Variants in CSMD1 observed in about 807,000 individuals in gnomAD.
CSMD1 encodes the protein CUB and sushi domain-containing protein 1.
Under a neutral mutation model 417.5 loss-of-function variants are expected in CSMD1, and 213 were observed. That is an observed-to-expected ratio of 0.51 (90% confidence interval 0.46 to 0.57). CSMD1 has a LOEUF of 0.57. Among genes scored for constraint, CSMD1 ranks in the 20% least tolerant of loss-of-function variants. CSMD1 has a pLI of 0.00. For missense variants in CSMD1, 6,923 were observed against 4,529.7 expected (o/e 1.53, Z -15.17); for synonymous variants, 2,862 against 1,736.8 (o/e 1.65, Z -16.11).
At chr8:3,707,795 G>T (rs1334750084) in intron 7 of CSMD1, among the ~76,000 whole-genome samples, 1 of 152,178 alleles carries the variant, frequency 6.6e-6, no homozygotes, top group African/African-American at 2.4e-5. Context: ...CATGGTCAGG[G>T]CTTCCTATGG....
chr8:4,748,355 C>T (rs562108786), intron 1 of CSMD1, among the ~76,000 whole-genome samples: 2 of 152,298 alleles, frequency 1.3e-5, no homozygotes, highest in East Asian at 3.9e-4. Flanking sequence ...AATTTGTTTT[C>T]TTAGCATGGT....
chr8:4,899,843 A>G (rs1463419285), intron 1 of CSMD1, among the ~76,000 whole-genome samples: 1 of 152,200 alleles, frequency 6.6e-6, no homozygotes, highest in East Asian at 1.9e-4. Flanking sequence ...CAGGTCTTGC[A>G]GATAGCTTTT....
chr8:3,946,687 C>G (rs966666800), intron 5 of CSMD1, among the ~76,000 whole-genome samples: 9 of 152,104 alleles, frequency 5.9e-5, no homozygotes, highest in African/African-American at 1.9e-4. Context: ...CATTCATGGT[C>G]TAGTGTATCT....
intron 5 of CSMD1, among the ~76,000 whole-genome samples, chr8:3,763,153 G>T (rs964335908): frequency 1.3e-5 from 2 of 152,150 alleles, no homozygotes; most frequent in African/African-American, 4.8e-5. Flanking sequence ...AGCCAAAGAG[G>T]TCTCTTCACC....
intron 1 of CSMD1, among the ~76,000 whole-genome samples, chr8:4,860,537 A>T (rs1438206373): frequency 6.6e-6 from 1 of 151,958 alleles, no homozygotes; most frequent in Non-Finnish European, 1.5e-5. Flanking sequence ...CTGGAACTTG[A>T]GCAGATGCTC....
chr8:4,310,237 T>C (rs963673200), intron 3 of CSMD1, among the ~76,000 whole-genome samples: 5 of 152,160 alleles, frequency 3.3e-5, no homozygotes, highest in Non-Finnish European at 7.4e-5. Context: ...AGCAATTAAC[T>C]TATCACACAG....
intron 54 of CSMD1, among the ~76,000 whole-genome samples, chr8:2,994,097 G>C (rs6993889): frequency 1.2e-4 from 15 of 122,580 alleles, no homozygotes; most frequent in African/African-American, 4.3e-4. Context: ...AGTGAGCTGA[G>C]ATGGCGCCAT....
At chr8:3,334,075 G>A (rs1233191129) in intron 23 of CSMD1, among the ~76,000 whole-genome samples, 2 of 152,198 alleles carry the variant, frequency 1.3e-5, no homozygotes, top group African/African-American at 4.8e-5. Context: ...TGAAGGCATT[G>A]AAAGAATCTA....
At chr8:3,317,466 T>C (rs1805849366) in intron 23 of CSMD1, among the ~76,000 whole-genome samples, 2 of 152,202 alleles carry the variant, frequency 1.3e-5, no homozygotes, top group Admixed American at 6.5e-5. Flanking sequence ...GTTGTTCTGG[T>C]GCCTGTTTTC....
intron 10 of CSMD1, among the ~76,000 whole-genome samples, chr8:3,533,196 A>G (rs1468513318): frequency 2.0e-5 from 3 of 152,314 alleles, no homozygotes; most frequent in African/African-American, 7.2e-5. Context: ...AAGAAAGAGC[A>G]CCCTAAAACC....
In CSMD1 at chr8:3,879,858, G is replaced by A. The variant is rs114564911; in HGVS notation, c.818+118045C>T. 2.0e-3 allele frequency among the ~76,000 whole-genome samples: 302 copies of A among 150,264 alleles called. 1 individual carries two copies. Among genetic ancestry groups the A allele is most frequent in the African/African-American group, 3.5e-3 (146 of 41,242 alleles). ...GTGCGTGTGTGTGTGTGTGTGTTGC[G>A]TTTTAGTCTTCTTCTGGTGTGGATG... On this transcript the variant is annotated intron_variant, in intron 5 of 69. Transcript: ENST00000635120.
At position 4,135,124 on chromosome 8, in the gene CSMD1, C is replaced by T. The variant is rs117777983; in HGVS notation, c.416-103025G>A. The stretch of plus-strand genomic sequence containing the variant: ...TAAATAATTGCATAAATGTTCTTGA[C>T]GCACACAAAATATTGTCATATTCTG... On this transcript the variant is annotated intron_variant, in intron 3 of 69. Transcript: ENST00000635120. Among the ~76,000 whole-genome samples the T allele has an allele frequency of 5.7e-4, 87 of 152,212 alleles. 2 individuals are homozygous for T. The East Asian group carries it at 9.9e-3, about 17-fold the overall frequency.
At chr8:4,440,772 G>A (rs548295973) in intron 2 of CSMD1, among the ~76,000 whole-genome samples, 1 of 152,184 alleles carries the variant, frequency 6.6e-6, no homozygotes, top group East Asian at 1.9e-4. Context: ...AGTGCGAGCA[G>A]ATCACCTGAG....
intron 3 of CSMD1, among the ~76,000 whole-genome samples, chr8:4,337,850 TAA>T (rs1001050007): frequency 1.3e-5 from 2 of 152,172 alleles, no homozygotes; most frequent in Non-Finnish European, 2.9e-5. Context: ...TGTTCCTTCG[TAA>T]AGACTTTAAG....
intron 2 of CSMD1, among the ~76,000 whole-genome samples, chr8:4,637,040 A>C (rs575343868): frequency 6.6e-6 from 1 of 152,270 alleles, no homozygotes; most frequent in South Asian, 2.1e-4. Context: ...GGAACATGGG[A>C]GGGGACAAAT....
At chr8:4,584,568 T>C (rs1799607377) in intron 2 of CSMD1, among the ~76,000 whole-genome samples, 1 of 152,120 alleles carries the variant, frequency 6.6e-6, no homozygotes, top group Non-Finnish European at 1.5e-5. Context: ...GCTTCCGCTT[T>C]TCCTGTACTT....
At chr8:4,438,161 T>C (rs143366344) in intron 2 of CSMD1, among the ~76,000 whole-genome samples, 4 of 152,286 alleles carry the variant, frequency 2.6e-5, no homozygotes, top group Non-Finnish European at 4.4e-5. Flanking sequence ...GATTTAGATA[T>C]TGCTGACTTC....
Position 3,270,881 on chromosome 8 carries a change from G to C in CSMD1, c.4153+13263C>G, listed in dbSNP as rs529628659. On this transcript the variant is annotated intron_variant, in intron 26 of 69. Coordinates refer to ENST00000635120, the MANE Select transcript of CSMD1 (RefSeq NM_033225.6). ...GGGAGGCCTCACAATTATGGCAGAA[G>C]GTAAGCAGGAGCAAGTCACATCTTT... Among the ~76,000 whole-genome samples the C allele has an allele frequency of 1.4e-4, 21 of 151,590 alleles. No individual in the cohort carries two copies. The South Asian group carries it at 4.2e-3, about 30-fold the overall frequency.
chr8:3,415,143 T>A (rs73657867), intron 12 of CSMD1, among the ~76,000 whole-genome samples: 2,845 of 152,340 alleles, frequency 0.019, 55 homozygotes, highest in East Asian at 0.096. Context: ...ATTGACAAAT[T>A]TAAATTGTAT....
Sources: allele counts gnomAD v4.1 joint callset (sites outside exome capture counted in the v4.1 genomes callset), GRCh38; gene constraint gnomAD v4.1.1; transcripts MANE v1.5; gene names NCBI Gene and HGNC (gene_info 2026-07-23, HGNC 2026-07-21).